Variants in NR3C2 observed in about 807,000 individuals in gnomAD.
NR3C2 encodes nuclear receptor subfamily 3 group C member 2, also known as mineralocorticoid receptor.
A neutral mutation model predicts 86.4 loss-of-function variants in NR3C2; 15 were observed. That is an observed-to-expected ratio of 0.17 (90% confidence interval 0.12 to 0.27). NR3C2 has a LOEUF of 0.27. Ranked by LOEUF, NR3C2 falls within the 10% of genes least tolerant of loss-of-function variation. The pLI, the probability that NR3C2 is intolerant of heterozygous loss-of-function variation, is 1.00. For synonymous variants in NR3C2, 458 were observed against 450.5 expected (o/e 1.02, Z -0.21); for missense variants, 960 against 1,195.6 (o/e 0.80, Z 2.91).
At chr4:148,381,232 GA>G (rs5862837) in intron 2 of NR3C2, among the ~76,000 whole-genome samples, 51,575 of 133,900 alleles carry the variant, frequency 0.39, 8,974 homozygotes, top group Middle Eastern at 0.48. Context: ...TGTCTCAAAA[GA>G]AAAAAAAAAA....
intron 6 of NR3C2, among the ~76,000 whole-genome samples, chr4:148,128,068 G>T (rs1732833868): frequency 6.6e-6 from 1 of 152,228 alleles, no homozygotes; most frequent in African/African-American, 2.4e-5. Context: ...TGTAAGAATA[G>T]TGGGAATTAG....
At chr4:148,243,293 C>G (rs1739154722) in intron 3 of NR3C2, among the ~76,000 whole-genome samples, 1 of 152,052 alleles carries the variant, frequency 6.6e-6, no homozygotes, top group Non-Finnish European at 1.5e-5. Flanking sequence ...CCTCCCAAAG[C>G]ACGGGGATTA....
chr4:148,212,032 T>C (rs61758900), intron 3 of NR3C2, among the ~76,000 whole-genome samples: 2 of 152,228 alleles, frequency 1.3e-5, no homozygotes, highest in Admixed American at 6.5e-5. Context: ...CTTGGAACCT[T>C]CCCTAACCCT....
At chr4:148,086,038 T>C (rs1730797926) in intron 8 of NR3C2, among the ~76,000 whole-genome samples, 1 of 152,114 alleles carries the variant, frequency 6.6e-6, no homozygotes, top group Admixed American at 6.6e-5. Flanking sequence ...CAGCCAGATT[T>C]TACCAGAGGT....
intron 2 of NR3C2, among the ~76,000 whole-genome samples, chr4:148,318,199 A>G (rs1668849995): frequency 6.6e-6 from 1 of 151,628 alleles, no homozygotes; most frequent in Non-Finnish European, 1.5e-5. Flanking sequence ...TACAAAGGAC[A>G]TGAACTCATC....
At chr4:148,116,657 T>C (rs1195995488) in intron 7 of NR3C2, among the ~76,000 whole-genome samples, 1 of 152,122 alleles carries the variant, frequency 6.6e-6, no homozygotes, top group African/African-American at 2.4e-5. Flanking sequence ...GCAGTTTTTA[T>C]GGTTCATAAA....
At chr4:148,195,917 C>A (rs1736420513) in intron 3 of NR3C2, among the ~76,000 whole-genome samples, 1 of 152,188 alleles carries the variant, frequency 6.6e-6, no homozygotes, top group African/African-American at 2.4e-5. Flanking sequence ...TTGGCCTTTA[C>A]TCTGAGATGA....
At chr4:148,440,027 G>A (rs1000901549) in intron 1 of NR3C2, among the ~76,000 whole-genome samples, 6 of 152,182 alleles carry the variant, frequency 3.9e-5, no homozygotes, top group Non-Finnish European at 7.3e-5. Context: ...GTCTCATTAA[G>A]GAATTTGCAA....
At chr4:148,263,729 C>A (rs1349802311) in intron 2 of NR3C2, among the ~76,000 whole-genome samples, 1 of 152,160 alleles carries the variant, frequency 6.6e-6, no homozygotes, top group African/African-American at 2.4e-5. Flanking sequence ...TTCTGGTCAA[C>A]CACCATTTAC....
At chr4:148,095,835 G>A (rs1731255368) in intron 8 of NR3C2, among the ~76,000 whole-genome samples, 1 of 152,178 alleles carries the variant, frequency 6.6e-6, no homozygotes, top group South Asian at 2.1e-4. Context: ...AGTGTCTCAT[G>A]AGAAATCAAG....
intron 2 of NR3C2, among the ~76,000 whole-genome samples, chr4:148,274,912 G>A (rs906165018): frequency 6.6e-6 from 1 of 151,954 alleles, no homozygotes; most frequent in Non-Finnish European, 1.5e-5. Flanking sequence ...TAGCTAGGCT[G>A]GTCTCGAACT....
chr4:148,225,489 AAC>A (rs1313905401), intron 3 of NR3C2, among the ~76,000 whole-genome samples: 1 of 152,164 alleles, frequency 6.6e-6, no homozygotes, highest in African/African-American at 2.4e-5. Flanking sequence ...GTTTATACAT[AAC>A]AATGTTATGA....
chr4:148,281,316 T>C (rs1741226622), intron 2 of NR3C2, among the ~76,000 whole-genome samples: 1 of 152,246 alleles, frequency 6.6e-6, no homozygotes, highest in Admixed American at 6.5e-5. Context: ...GTTTAAACTG[T>C]AGTTACTTAC....
intron 3 of NR3C2, among the ~76,000 whole-genome samples, chr4:148,255,080 C>A (rs1005510645): frequency 1.8e-4 from 28 of 152,156 alleles, no homozygotes; most frequent in African/African-American, 5.1e-4. Flanking sequence ...CTGCCCCCCC[C>A]CAACACACAC....
intron 6 of NR3C2, among the ~76,000 whole-genome samples, chr4:148,128,873 A>G (rs1732873222): frequency 6.6e-6 from 1 of 152,230 alleles, no homozygotes; most frequent in South Asian, 2.1e-4. Flanking sequence ...CTCTGCCAAG[A>G]AATAGCCCTT....
At chr4:148,343,585 C>G (rs904929511) in intron 2 of NR3C2, among the ~76,000 whole-genome samples, 4 of 151,966 alleles carry the variant, frequency 2.6e-5, no homozygotes, top group African/African-American at 9.7e-5. Flanking sequence ...GGTTATGAAG[C>G]CTGGATTTCT....
At chr4:148,089,846 C>T (rs1730981636) in intron 8 of NR3C2, among the ~76,000 whole-genome samples, 1 of 152,248 alleles carries the variant, frequency 6.6e-6, no homozygotes, top group East Asian at 1.9e-4. Context: ...GAGTCCTGCA[C>T]ACCCACCGCA....
At chr4:148,166,837 A>G (rs1254105290) in intron 4 of NR3C2, among the ~76,000 whole-genome samples, 3 of 151,324 alleles carry the variant, frequency 2.0e-5, no homozygotes, top group East Asian at 3.9e-4. Flanking sequence ...CCGTCCTGGG[A>G]GGACTTCCGG....
chr4:148,154,456 A>C, intron 5 of NR3C2, 95 bp downstream of exon 5: 1 of 1,132,508 alleles, frequency 8.8e-7, no homozygotes, highest in Non-Finnish European at 1.3e-6. Context: ...ATTTCATAGA[A>C]CGCAAACTCC....
Sources: gnomAD v4.1 joint callset for allele counts (sites outside exome capture counted in the v4.1 genomes callset) on GRCh38, gnomAD v4.1.1 for gene constraint, MANE v1.5 for transcripts, NCBI Gene and HGNC (gene_info 2026-07-23, HGNC 2026-07-21) for gene names.